The following HECW2 variants were observed in gnomAD, a reference collection of about 807,000 sequenced individuals.
HECW2 encodes the protein HECT, C2 and WW domain containing E3 ubiquitin protein ligase 2, also known as E3 ubiquitin-protein ligase HECW2.
A neutral mutation model predicts 175.2 loss-of-function variants in HECW2; 61 were observed. The observed-to-expected ratio is 0.35, with a 90% CI of 0.28 to 0.43. The LOEUF is 0.43. Ranked by LOEUF, HECW2 falls within the 20% of genes least tolerant of loss-of-function variation. The pLI, the probability that HECW2 is intolerant of heterozygous loss-of-function variation, is 1.00. For synonymous variants in HECW2, 671 were observed against 731.0 expected (o/e 0.92, Z 1.32); for missense variants, 1,524 against 2,000.5 (o/e 0.76, Z 4.54).
At chr2:196,435,799 T>G (rs1421584043) in intron 1 of HECW2, among the ~76,000 whole-genome samples, 2 of 152,200 alleles carry the variant, frequency 1.3e-5, no homozygotes, top group African/African-American at 2.4e-5. Context: ...ACATAACATC[T>G]GCCTCATAGG....
At chr2:196,316,065 A>G (rs1470880204) in intron 10 of HECW2, 1 of 152,184 alleles carries the variant, frequency 6.6e-6, no homozygotes, top group Admixed American at 6.5e-5. Context: ...TGTTTTATCA[A>G]TAAGGAAGTT....
intron 1 of HECW2, among the ~76,000 whole-genome samples, chr2:196,459,501 G>A (rs10202887): frequency 0.22 from 32,728 of 151,540 alleles, 4,039 homozygotes; most frequent in African/African-American, 0.34. Flanking sequence ...TAGCCAAGGG[G>A]ACCCCAGAAA....
At chr2:196,367,927 TAGATACATATATATATG>T (rs1422329238) in intron 2 of HECW2, among the ~76,000 whole-genome samples, 1 of 151,356 alleles carries the variant, frequency 6.6e-6, no homozygotes, top group Non-Finnish European at 1.5e-5. Context: ...ATGAGATACA[TAGATACATATATATATG>T]AGATACATAT....
intron 1 of HECW2, among the ~76,000 whole-genome samples, chr2:196,582,069 A>AAATAATAATAATAATAATAATAATAAT (rs572551572): frequency 0.011 from 1,714 of 150,274 alleles, 32 homozygotes; most frequent in African/African-American, 0.039. Context: ...CCATCTCGAA[A>AAATAATAATAATAATAATAATAATAAT]AATAATAATA....
intron 1 of HECW2, among the ~76,000 whole-genome samples, chr2:196,495,587 C>CAA (rs1176757926): frequency 6.6e-6 from 1 of 152,090 alleles, no homozygotes; most frequent in Non-Finnish European, 1.5e-5. Context: ...CATGCAGAGA[C>CAA]AGAGACAAAA....
intron 1 of HECW2, among the ~76,000 whole-genome samples, chr2:196,527,062 C>T (rs868141234): frequency 3.3e-5 from 5 of 152,280 alleles, no homozygotes; most frequent in Middle Eastern, 6.8e-3. Flanking sequence ...CAATGGCGGG[C>T]GCCCCTCCCC....
At chr2:196,375,722 G>C (rs1245899597) in intron 2 of HECW2, among the ~76,000 whole-genome samples, 1 of 152,074 alleles carries the variant, frequency 6.6e-6, no homozygotes, top group Non-Finnish European at 1.5e-5. Context: ...ATGAGAGGTG[G>C]GAAAACGTCT....
chr2:196,527,186 C>T (rs528529355), intron 1 of HECW2, among the ~76,000 whole-genome samples: 8 of 152,334 alleles, frequency 5.3e-5, no homozygotes, highest in East Asian at 1.9e-4. Flanking sequence ...CGTGGTGCGC[C>T]GTTTTTTAAG....
At chr2:196,521,009 C>G (rs1212252966) in intron 1 of HECW2, among the ~76,000 whole-genome samples, 1 of 152,082 alleles carries the variant, frequency 6.6e-6, no homozygotes, top group Non-Finnish European at 1.5e-5. Context: ...AACCCAGCAG[C>G]CTTGTGGCAT....
intron 21 of HECW2, chr2:196,238,482 T>C (rs1688336298): frequency 6.6e-6 from 1 of 151,902 alleles, no homozygotes; most frequent in Non-Finnish European, 1.5e-5. Context: ...AGCTTTCTAT[T>C]TTTCCAGCAC....
At chr2:196,369,342 GTC>G (rs71410611) in intron 2 of HECW2, among the ~76,000 whole-genome samples, 2,197 of 131,210 alleles carry the variant, frequency 0.017, 14 homozygotes, top group Middle Eastern at 0.016. Flanking sequence ...AACAAATGGA[GTC>G]TCTCTCTCTC....
At chr2:196,499,699 G>A (rs1273279948) in intron 1 of HECW2, among the ~76,000 whole-genome samples, 2 of 152,156 alleles carry the variant, frequency 1.3e-5, no homozygotes, top group Admixed American at 1.3e-4. Flanking sequence ...CTCGCTCTAA[G>A]ACTTGACAAT....
At chr2:196,591,745 C>T (rs1378818775) in intron 1 of HECW2, among the ~76,000 whole-genome samples, 1 of 152,156 alleles carries the variant, frequency 6.6e-6, no homozygotes, top group Non-Finnish European at 1.5e-5. Flanking sequence ...GTCTCCCACG[C>T]TATATAAACA....
intron 1 of HECW2, among the ~76,000 whole-genome samples, chr2:196,507,554 A>G (rs990676982): frequency 7.9e-5 from 12 of 152,222 alleles, no homozygotes; most frequent in African/African-American, 2.9e-4. Context: ...CCCACAACAA[A>G]TAATTATCCA....
chr2:196,368,549 T>A (rs765903019), intron 2 of HECW2, among the ~76,000 whole-genome samples: 5 of 152,176 alleles, frequency 3.3e-5, no homozygotes, highest in Non-Finnish European at 5.9e-5. Flanking sequence ...TCTGTTATTA[T>A]CTCTTTGAAT....
At chr2:196,329,809 T>C (rs1250537000) in intron 4 of HECW2, among the ~76,000 whole-genome samples, 159 bp from the exon 5 acceptor site, 1 of 152,194 alleles carries the variant, frequency 6.6e-6, no homozygotes, top group Non-Finnish European at 1.5e-5. Flanking sequence ...GAGACACAAA[T>C]GCTGATTCTT....
At chr2:196,502,252 G>A (rs1464089893) in intron 1 of HECW2, among the ~76,000 whole-genome samples, 2 of 152,120 alleles carry the variant, frequency 1.3e-5, no homozygotes, top group African/African-American at 4.8e-5. Flanking sequence ...CAACTTTGGT[G>A]TTCCAGACTT....
At chr2:196,524,428 C>A (rs1186103681) in intron 1 of HECW2, among the ~76,000 whole-genome samples, 1 of 87,556 alleles carries the variant, frequency 1.1e-5, no homozygotes, top group Non-Finnish European at 2.0e-5. Flanking sequence ...AAAAAACCAG[C>A]TCCTGGATTC....
At chr2:196,442,783 T>C (rs138906713) in intron 1 of HECW2, among the ~76,000 whole-genome samples, 91 of 152,316 alleles carry the variant, frequency 6.0e-4, no homozygotes, top group Admixed American at 2.5e-3. Flanking sequence ...CAATTGTTTT[T>C]ACCTCTTGAT....
Sources: allele counts gnomAD v4.1 joint callset (sites outside exome capture counted in the v4.1 genomes callset), GRCh38; gene constraint gnomAD v4.1.1; transcripts MANE v1.5; gene names NCBI Gene and HGNC (gene_info 2026-07-23, HGNC 2026-07-21).